The following TRPM8 variants were observed in gnomAD, a reference collection of about 807,000 sequenced individuals.
The protein encoded by TRPM8 is transient receptor potential cation channel subfamily M member 8.
A neutral mutation model predicts 133.7 loss-of-function variants in TRPM8; 110 were observed. The observed-to-expected ratio is 0.82, with a 90% confidence interval of 0.70 to 0.96. The LOEUF is 0.96. Among genes scored for constraint, TRPM8 ranks in the 40% least tolerant of loss-of-function variants. The pLI is 0.00. For synonymous variants in TRPM8, 535 were observed against 532.3 expected (o/e 1.01, Z -0.07); for missense variants, 1,291 against 1,379.5 (o/e 0.94, Z 1.02).
rs777760794 is a variant in TRPM8, at chr2:233,942,680, G to A, written c.631G>A (p.Ala211Thr). ...CAGGAGTTCAGAGGAGAATATTGTG[G>A]CCATTGGCATAGCAGCTTGGGGCAT... ...ISRSSEENIV[A>T]IGIAAWGMVS... Residue 211 changes from alanine (A) to threonine (T), a missense_variant, in exon 6 of 26, where the codon GCC (alanine) becomes ACC (threonine). Around this residue, in one of 2 missense-constraint regions of TRPM8, gnomAD observed 963 missense variants for 968.9 expected, o/e 0.99. Coordinates refer to ENST00000324695, the MANE Select transcript of TRPM8 (RefSeq NM_024080.5). 6.2e-7 allele frequency: 1 copy of A among 1,614,212 alleles called. No individual in the cohort carries two copies. Among genetic ancestry groups the A allele is most frequent in the Non-Finnish European group, 8.5e-7 (1 of 1,180,048 alleles).
chr2:233,926,777 C>A, intron 2 of TRPM8, 123 bp downstream of exon 2: 1 of 719,154 alleles, frequency 1.4e-6, no homozygotes, highest in Non-Finnish European at 2.4e-6. Context: ...ATTCCTTTCA[C>A]TACTTAATGC....
intron 2 of TRPM8, among the ~76,000 whole-genome samples, chr2:233,930,276 G>A (rs1691654035): frequency 6.6e-6 from 1 of 152,106 alleles, no homozygotes; most frequent in South Asian, 2.1e-4. Context: ...ACGGTTTTTG[G>A]AATATGTCTT....
intron 13 of TRPM8, 46 bp downstream of exon 13, chr2:233,963,423 GT>G: frequency 8.3e-7 from 1 of 1,207,268 alleles, no homozygotes; most frequent in Non-Finnish European, 1.2e-6. Flanking sequence ...TATATGCTTT[GT>G]TATAACAGTT....
At chr2:233,960,485 G>A (rs1691406113) in intron 11 of TRPM8, among the ~76,000 whole-genome samples, 1 of 152,082 alleles carries the variant, frequency 6.6e-6, no homozygotes, top group Admixed American at 6.5e-5. Context: ...CTACATGGGT[G>A]TATTTATCTC....
intron 21 of TRPM8, among the ~76,000 whole-genome samples, chr2:233,987,667 G>A (rs28902211): frequency 0.018 from 2,749 of 152,252 alleles, 71 homozygotes; most frequent in African/African-American, 0.062. Context: ...AAACATCACC[G>A]ATGTAGTTTG....
intron 9 of TRPM8, among the ~76,000 whole-genome samples, chr2:233,952,173 T>C (rs146129331): frequency 5.9e-5 from 9 of 152,322 alleles, no homozygotes; most frequent in African/African-American, 1.9e-4. Flanking sequence ...GAGCACATAC[T>C]GCGTGCCGGG....
chr2:233,946,233 T>A, intron 7 of TRPM8: 1 of 494,822 alleles, frequency 2.0e-6, no homozygotes, highest in Non-Finnish European at 3.6e-6. Flanking sequence ...ATGTACCCTT[T>A]AACATGCTAA....
At chr2:233,986,316 A>T (rs1692148171) in intron 21 of TRPM8, among the ~76,000 whole-genome samples, 1 of 152,254 alleles carries the variant, frequency 6.6e-6, no homozygotes, top group African/African-American at 2.4e-5. Flanking sequence ...GAATACAAAG[A>T]GCAGAGACTG....
intron 21 of TRPM8, among the ~76,000 whole-genome samples, chr2:233,992,689 C>T (rs775139417): frequency 4.6e-5 from 7 of 152,152 alleles, no homozygotes; most frequent in Non-Finnish European, 1.0e-4. Flanking sequence ...CACAAGATAT[C>T]GCTGGAGATG....
At chr2:233,996,717 C>A (rs11563125) in intron 22 of TRPM8, among the ~76,000 whole-genome samples, 6 of 152,036 alleles carry the variant, frequency 3.9e-5, no homozygotes, top group South Asian at 2.1e-4. Context: ...GTAGATCTGC[C>A]GGGATAGCCT....
intron 1 of TRPM8, among the ~76,000 whole-genome samples, chr2:233,918,878 T>C (rs1021482820): frequency 6.6e-6 from 1 of 152,154 alleles, no homozygotes; most frequent in Admixed American, 6.5e-5. Flanking sequence ...TTGAAGCTTC[T>C]GCAAGTGTTA....
rs1693020145 is a variant in TRPM8 at position 234,018,785 on chromosome 2, CA to C, written c.*1530del. 1 of 151,642 alleles carries C rather than the reference CA, an allele frequency of 6.6e-6. No homozygotes were observed. The highest frequency in any genetic ancestry group is 1.5e-5 in the Non-Finnish European group (1 of 67,986). The allele number at this position is 151,642 out of a possible 1,614,324, so 9.4% of individuals were successfully genotyped here. A position where few individuals can be genotyped will look rare whatever the true frequency, so the allele number is the denominator to read the frequency against. On this transcript the variant is annotated 3_prime_UTR_variant, in exon 26 of 26. Transcript: ENST00000324695. ...GCTGGAACCTGGGAGGCGGAGGTTGCAGTGAACCAAGATTGCACCACTGCAC... is the reference window on the plus strand; with the variant it reads ...GCTGGAACCTGGGAGGCGGAGGTTGCGTGAACCAAGATTGCACCACTGCAC...
At chr2:233,928,997 CTTTTTTT>C (rs750819533) in intron 2 of TRPM8, among the ~76,000 whole-genome samples, 1 of 117,792 alleles carries the variant, frequency 8.5e-6, no homozygotes, top group Non-Finnish European at 1.6e-5. Context: ...AGTTTCTTTT[CTTTTTTT>C]TTTTATTTTT....
intron 19 of TRPM8, 144 bp downstream of exon 19, chr2:233,982,059 G>T: frequency 1.1e-6 from 1 of 918,128 alleles, no homozygotes; most frequent in Non-Finnish European, 1.6e-6. Flanking sequence ...ATTTCATCAG[G>T]GGCCTCTCCC....
intron 18 of TRPM8, among the ~76,000 whole-genome samples, chr2:233,981,017 C>G (rs141649352): frequency 1.6e-3 from 247 of 152,250 alleles, no homozygotes; most frequent in Non-Finnish European, 2.9e-3. Context: ...TGAGACCAGC[C>G]TGAGCAACAT....
intron 9 of TRPM8, among the ~76,000 whole-genome samples, chr2:233,952,683 G>A (rs967952169): frequency 6.6e-6 from 1 of 151,756 alleles, no homozygotes; most frequent in Non-Finnish European, 1.5e-5. Context: ...CGAGATGGAA[G>A]TTGTGTTCAG....
intron 1 of TRPM8, among the ~76,000 whole-genome samples, chr2:233,918,682 G>A (rs1691350426): frequency 6.6e-6 from 1 of 152,114 alleles, no homozygotes; most frequent in Non-Finnish European, 1.5e-5. Context: ...GGCTGATAGA[G>A]GCAATTAGAA....
At chr2:233,994,752 C>CG (rs1692363348) in intron 21 of TRPM8, among the ~76,000 whole-genome samples, 1 of 152,084 alleles carries the variant, frequency 6.6e-6, no homozygotes, top group Non-Finnish European at 1.5e-5. Flanking sequence ...AATGAGGTCT[C>CG]GTAACATATG....
chr2:233,979,025 G>C (rs1376021483), intron 17 of TRPM8, among the ~76,000 whole-genome samples: 1 of 152,214 alleles, frequency 6.6e-6, no homozygotes, highest in East Asian at 1.9e-4. Flanking sequence ...CTCGGGCTCA[G>C]AATCATGAGG....
Sources: allele counts gnomAD v4.1 joint callset (sites outside exome capture counted in the v4.1 genomes callset), GRCh38; gene constraint gnomAD v4.1.1; regional missense constraint gnomAD v4.1.1; transcripts MANE v1.5; gene names NCBI Gene and HGNC (gene_info 2026-07-23, HGNC 2026-07-21).